The following IGF2R variants were observed in gnomAD, a reference collection of about 807,000 sequenced individuals.
IGF2R encodes the protein insulin like growth factor 2 receptor.
Under a neutral mutation model 270.6 loss-of-function variants are expected in IGF2R, and 91 were observed. That is an observed-to-expected ratio of 0.34 (90% CI 0.28 to 0.40). The LOEUF (loss-of-function observed/expected upper bound fraction) is 0.40, where lower values mean the gene tolerates loss of function less well. IGF2R is among the 10% of genes least tolerant of loss of function. The pLI, the probability that IGF2R is intolerant of heterozygous loss-of-function variation, is 1.00. For missense variants in IGF2R, 2,805 were observed against 3,188.3 expected (o/e 0.88, Z 2.90); for synonymous variants, 1,316 against 1,258.9 (o/e 1.05, Z -0.96).
At position 160,016,044 on chromosome 6, in the gene IGF2R, T is replaced by C. The variant is rs564979754; in HGVS notation, c.513+5259T>C. ...GAGCCAGTTAAACTTCTTTTCTTTA[T>C]AAATTACCCAGTCTCAGGTATTTAT... On this transcript the variant is annotated intron_variant, in intron 4 of 47. Coordinates refer to ENST00000356956, the MANE Select transcript of IGF2R (RefSeq NM_000876.4). 6.2e-4 allele frequency among the ~76,000 whole-genome samples: 95 copies of C among 152,328 alleles called. 1 individual carries two copies. Among genetic ancestry groups the C allele is most frequent in the Non-Finnish European group, 1.1e-3 (77 of 68,034 alleles).
At position 160,009,100 on chromosome 6, in the gene IGF2R, A is replaced by G. The variant is rs1197543312; in HGVS notation, c.380A>G (p.Gln127Arg). The G allele has an allele frequency of 2.5e-6, 4 of 1,614,072 alleles. No homozygotes were observed. The highest frequency in any genetic ancestry group is 3.3e-5 in the Admixed American group (2 of 60,022). Residue 127 changes from glutamine (Q) to arginine (R), a missense_variant, in exon 3 of 48, where the codon CAG becomes CGG. By Grantham distance (43) the Gln-to-Arg change is conservative. This residue lies in a region of IGF2R where 954 missense variants were observed against 981.1 expected (regional missense o/e 0.97). Transcript: ENST00000356956. ...CDQQGTNHRV[Q>R]SSIAFLCGKT... ...CAGCAAGGCACAAATCACAGAGTCC[A>G]GAGCAGCATTGCCTTCCTGTGTGGG... is the stretch of plus-strand genomic sequence containing the variant.
At chr6:160,053,905 G>A (rs566269203) in intron 19 of IGF2R, among the ~76,000 whole-genome samples, 3 of 151,922 alleles carry the variant, frequency 2.0e-5, no homozygotes, top group South Asian at 4.2e-4. Flanking sequence ...TTGAAGAGAT[G>A]GGGGGTCTGT....
intron 4 of IGF2R, among the ~76,000 whole-genome samples, chr6:160,016,670 C>T (rs998521586): frequency 5.2e-4 from 79 of 152,242 alleles, no homozygotes; most frequent in African/African-American, 1.9e-3. Flanking sequence ...TCACCACACC[C>T]TGGCTACTCA....
At chr6:159,990,404 T>C (rs1251307983) in intron 1 of IGF2R, among the ~76,000 whole-genome samples, 1 of 152,156 alleles carries the variant, frequency 6.6e-6, no homozygotes, top group African/African-American at 2.4e-5. Flanking sequence ...AGGGGCTTTT[T>C]CCCCTTTTGC....
chr6:160,000,310 A>G (rs894923447), intron 2 of IGF2R, among the ~76,000 whole-genome samples: 1 of 152,202 alleles, frequency 6.6e-6, no homozygotes, highest in African/African-American at 2.4e-5. Flanking sequence ...GTGAAGGGGA[A>G]GCAGGCAGCT....
chr6:160,062,804 G>A (rs1013220058), intron 26 of IGF2R, among the ~76,000 whole-genome samples, 185 bp downstream of exon 26: 18 of 151,604 alleles, frequency 1.2e-4, no homozygotes, highest in South Asian at 4.2e-4. Flanking sequence ...CTAATTTCAC[G>A]AGTGACATTT....
intron 35 of IGF2R, among the ~76,000 whole-genome samples, chr6:160,074,940 G>A (rs932668803): frequency 3.9e-5 from 6 of 152,176 alleles, no homozygotes; most frequent in Non-Finnish European, 5.9e-5. Context: ...GGGGATCCTC[G>A]ATCGGGAATC....
chr6:160,091,812 A>G (rs886190559), intron 44 of IGF2R, among the ~76,000 whole-genome samples: 4 of 152,204 alleles, frequency 2.6e-5, no homozygotes, highest in Non-Finnish European at 5.9e-5. Context: ...CAGGGGCCCT[A>G]TCATGCAGAG....
rs1409279769 is a variant in IGF2R, at chr6:160,107,866, C to CT, written c.*2787dup. 4.6e-5 allele frequency: 7 copies of CT among 152,234 alleles called. No individual in the cohort carries two copies. The allele number at this position is 152,234 out of a possible 1,614,324, so 9.4% of individuals were successfully genotyped here. A position where few individuals can be genotyped will look rare whatever the true frequency, so the allele number is the denominator to read the frequency against. On this transcript the variant is annotated 3_prime_UTR_variant, in exon 48 of 48. Coordinates refer to ENST00000356956, the MANE Select transcript of IGF2R (RefSeq NM_000876.4). ...ATTAGAACTTACAGGACAAAGAACT[C>CT]TTTTTCCCTGAATCATTTGAGATGA...
At chr6:159,993,570 T>C (rs1174211720) in intron 2 of IGF2R, among the ~76,000 whole-genome samples, 3 of 152,234 alleles carry the variant, frequency 2.0e-5, no homozygotes, top group African/African-American at 4.8e-5. Flanking sequence ...TTCTGTTCCA[T>C]TGATCTGTGT....
At chr6:160,083,060 G>A (rs185831574) in intron 39 of IGF2R, among the ~76,000 whole-genome samples, 14 of 152,320 alleles carry the variant, frequency 9.2e-5, no homozygotes, top group African/African-American at 1.4e-4. Flanking sequence ...GACCTGCACC[G>A]GCATCGGCCT....
intron 35 of IGF2R, among the ~76,000 whole-genome samples, chr6:160,075,028 C>G (rs545004091): frequency 3.3e-5 from 5 of 152,138 alleles, no homozygotes; most frequent in Non-Finnish European, 7.3e-5. Flanking sequence ...GCCACGTGGT[C>G]TGAACGTGCC....
intron 2 of IGF2R, among the ~76,000 whole-genome samples, chr6:159,992,507 T>A (rs7741314): frequency 1.3e-5 from 2 of 151,946 alleles, no homozygotes. Context: ...TAGGATAATG[T>A]GCTATTGTTC....
At chr6:160,064,782 A>T in intron 28 of IGF2R, 22 bp from the exon 29 acceptor site, 4 of 1,503,948 alleles carry the variant, frequency 2.7e-6, no homozygotes, top group Non-Finnish European at 3.7e-6. Flanking sequence ...ACTTTTATAT[A>T]TGTGCCTCTT....
chr6:159,996,649 C>T (rs369914840), intron 2 of IGF2R, among the ~76,000 whole-genome samples: 13 of 152,258 alleles, frequency 8.5e-5, no homozygotes, highest in African/African-American at 2.9e-4. Context: ...CCCGTCCTGG[C>T]GCTGGGAATA....
At chr6:160,070,753 C>T (rs1006563816) in intron 31 of IGF2R, among the ~76,000 whole-genome samples, 6 of 152,308 alleles carry the variant, frequency 3.9e-5, no homozygotes, top group East Asian at 3.9e-4. Context: ...AAGACCAGCT[C>T]GCTGGGTGTC....
intron 4 of IGF2R, among the ~76,000 whole-genome samples, chr6:160,016,858 C>CG (rs1280160931): frequency 1.3e-5 from 2 of 152,166 alleles, no homozygotes; most frequent in Non-Finnish European, 2.9e-5. Context: ...ATTCTCAGGG[C>CG]GGGGGGAACC....
intron 45 of IGF2R, among the ~76,000 whole-genome samples, chr6:160,097,379 G>T (rs1041685777): frequency 9.2e-5 from 14 of 152,124 alleles, no homozygotes; most frequent in Non-Finnish European, 1.6e-4. Flanking sequence ...CACTCAGGCT[G>T]GAGTGCAGTG....
In IGF2R at chr6:160,096,551, C is replaced by T; in HGVS notation, c.6768C>T (p.Ile2256=). The T allele has an allele frequency of 6.2e-7, 1 of 1,614,164 alleles. No homozygotes were observed. Among genetic ancestry groups the T allele is most frequent in the Non-Finnish European group, 8.5e-7 (1 of 1,179,998 alleles). Residue 2256 remains isoleucine, a synonymous_variant, in exon 45 of 48, where the codon ATC becomes ATT. Coordinates refer to ENST00000356956, the MANE Select transcript of IGF2R (RefSeq NM_000876.4). ...FHCDPLVEDG[I]PEFSHETADC... is the part of the protein sequence containing the mutation. ...GTGACCCTCTGGTGGAGGACGGGAT[C>T]CCCGAGTTCAGTCACGAGACTGCCG...
Sources: gnomAD v4.1 joint callset for allele counts (sites outside exome capture counted in the v4.1 genomes callset) on GRCh38, gnomAD v4.1.1 for gene constraint, gnomAD v4.1.1 regional missense constraint, MANE v1.5 for transcripts, NCBI Gene and HGNC (gene_info 2026-07-23, HGNC 2026-07-21) for gene names.